The following GRM5 variants were observed in gnomAD, a reference collection of about 807,000 sequenced individuals.
GRM5 encodes glutamate metabotropic receptor 5.
A neutral mutation model predicts 83.1 loss-of-function variants in GRM5; 19 were observed. The observed-to-expected ratio is 0.23, with a 90% CI of 0.16 to 0.34. GRM5 has a LOEUF of 0.34. Ranked by LOEUF, GRM5 falls within the 10% of genes least tolerant of loss-of-function variation. The probability of loss-of-function intolerance (pLI) is 1.00; values close to 1 mark genes in which losing one functional copy is unlikely to be tolerated. For missense variants in GRM5, 1,160 were observed against 1,588.3 expected, an observed-to-expected ratio of 0.73 and a Z score of 4.58; for synonymous variants, 675 against 633.6, an observed-to-expected ratio of 1.07 and a Z score of -0.98.
At chr11:88,800,660 G>A (rs1421626394) in intron 3 of GRM5, among the ~76,000 whole-genome samples, 1 of 152,096 alleles carries the variant, frequency 6.6e-6, no homozygotes, top group Non-Finnish European at 1.5e-5. Context: ...CTAGCCAAGG[G>A]ACATTATGAT....
chr11:89,064,325 C>T (rs1464852235), intron 1 of GRM5, among the ~76,000 whole-genome samples: 1 of 152,078 alleles, frequency 6.6e-6, no homozygotes, highest in Non-Finnish European at 1.5e-5. Flanking sequence ...TAATAAAACA[C>T]TAAAAAAATA....
intron 3 of GRM5, among the ~76,000 whole-genome samples, chr11:88,836,002 G>A (rs114980891): frequency 2.3e-3 from 344 of 152,000 alleles, no homozygotes; most frequent in African/African-American, 7.8e-3. Flanking sequence ...AAGACTCTCC[G>A]ATCTCATAAC....
At chr11:88,863,004 T>C (rs184546383) in intron 2 of GRM5, among the ~76,000 whole-genome samples, 12 of 152,126 alleles carry the variant, frequency 7.9e-5, no homozygotes, top group Non-Finnish European at 1.6e-4. Flanking sequence ...AACAAAGATA[T>C]GAAAAAAAGC....
chr11:88,525,506 G>A, intron 8 of GRM5, 102 bp from the exon 9 acceptor site: 1 of 706,730 alleles, frequency 1.4e-6, no homozygotes, highest in Non-Finnish European at 2.5e-6. Context: ...GTCACTCTGT[G>A]CCAAAATGGG....
chr11:88,585,701 C>T (rs1392032573), intron 7 of GRM5, among the ~76,000 whole-genome samples: 2 of 152,150 alleles, frequency 1.3e-5, no homozygotes, highest in East Asian at 3.8e-4. Context: ...GTTATGGGCT[C>T]TCACACCATT....
At position 89,028,529 on chromosome 11, in the gene GRM5, G is replaced by A. The variant is rs148200353; in HGVS notation, c.661+18683C>T. Among the ~76,000 whole-genome samples the A allele has an allele frequency of 2.2e-4, 33 of 152,304 alleles. No individual in the cohort carries two copies. In the East Asian group the frequency reaches 5.4e-3, roughly 25 times the overall value. ...GAAGATCACTTGAGCCTGAGAGGTC[G>A]AGGCTGCTGTGAGCCATGATCATGC... On this transcript the variant is annotated intron_variant, in intron 2 of 9. Coordinates refer to ENST00000305447, the MANE Select transcript of GRM5 (RefSeq NM_001143831.3).
chr11:88,513,149 C>T (rs1941426653), intron 9 of GRM5, among the ~76,000 whole-genome samples: 3 of 152,070 alleles, frequency 2.0e-5, no homozygotes, highest in African/African-American at 7.2e-5. Context: ...GCTTTCCTGA[C>T]CCTGCTAGGC....
At position 88,991,071 on chromosome 11, in the gene GRM5, T is replaced by C. The variant is rs529118410; in HGVS notation, c.661+56141A>G. 9.7e-4 allele frequency among the ~76,000 whole-genome samples: 148 copies of C among 152,308 alleles called. 1 individual carries two copies. Among genetic ancestry groups the C allele is most frequent in the African/African-American group, 3.5e-3 (146 of 41,544 alleles). On this transcript the variant is annotated intron_variant, in intron 2 of 9. Transcript: ENST00000305447. Reference sequence around the variant, plus strand: ...TCAATTAGGAAAAGAGGAAGTCTGATTGTCCCTCTTTGCAGACGACATGAT... The same window carrying C: ...TCAATTAGGAAAAGAGGAAGTCTGACTGTCCCTCTTTGCAGACGACATGAT...
rs562837276 is a variant in GRM5 at position 88,647,910 on chromosome 11, T to C, written c.1147+5258A>G. ...CAAAAAACACATGAAAAAATGCTCA[T>C]CATCACTGGCCATCAGAGAAATGCA... is the stretch of plus-strand genomic sequence containing the variant. On this transcript the variant is annotated intron_variant, in intron 4 of 9. Coordinates refer to ENST00000305447, the MANE Select transcript of GRM5 (RefSeq NM_001143831.3). Among the ~76,000 whole-genome samples the C allele has an allele frequency of 2.8e-3, 421 of 151,534 alleles. 2 individuals carry two copies. The highest frequency in any genetic ancestry group is 6.8e-3 in the Middle Eastern group (2 of 292).
chr11:88,776,091 C>G (rs1942842034), intron 3 of GRM5, among the ~76,000 whole-genome samples: 1 of 152,140 alleles, frequency 6.6e-6, no homozygotes. Context: ...CTTTCTAGGT[C>G]TCTAAGGACT....
At chr11:88,709,708 A>G (rs964880591) in intron 3 of GRM5, among the ~76,000 whole-genome samples, 2 of 152,080 alleles carry the variant, frequency 1.3e-5, no homozygotes, top group African/African-American at 4.8e-5. Context: ...CTGTATTTCC[A>G]TCACCATTTC....
chr11:88,558,681 A>C (rs1182135090), intron 8 of GRM5, among the ~76,000 whole-genome samples: 1 of 151,544 alleles, frequency 6.6e-6, no homozygotes, highest in Non-Finnish European at 1.5e-5. Flanking sequence ...GCGCGCTTAT[A>C]GTCCCACAAC....
intron 2 of GRM5, among the ~76,000 whole-genome samples, chr11:88,972,941 T>A (rs1368965400): frequency 1.3e-5 from 2 of 152,116 alleles, no homozygotes; most frequent in Admixed American, 1.3e-4. Context: ...ATCTTAAATA[T>A]AACAAACATT....
intron 2 of GRM5, among the ~76,000 whole-genome samples, chr11:88,988,734 C>G (rs981314256): frequency 2.0e-5 from 3 of 150,466 alleles, no homozygotes; most frequent in South Asian, 2.2e-4. Flanking sequence ...GAATTTTCAA[C>G]CAAGAATTTC....
chr11:88,649,269 T>A (rs1399845906), intron 4 of GRM5, among the ~76,000 whole-genome samples: 1 of 30,314 alleles, frequency 3.3e-5, no homozygotes, highest in Non-Finnish European at 1.7e-4. Flanking sequence ...ACATATATAT[T>A]ATATATTATA....
rs951448266 is a variant in GRM5 at position 88,784,826 on chromosome 11, G to C, written c.911+65080C>G. Among the ~76,000 whole-genome samples, 24 of 152,044 alleles carry C rather than the reference G, an allele frequency of 1.6e-4. 1 individual carries two copies. The highest frequency in any genetic ancestry group is 6.8e-3 in the Middle Eastern group (2 of 294). ...AGCAGATACAGGGCTGCCCGTCTTTGGGAATGTTAATCTCTGGTCACATGT... is the reference window on the plus strand; with the variant it reads ...AGCAGATACAGGGCTGCCCGTCTTTCGGAATGTTAATCTCTGGTCACATGT... On this transcript the variant is annotated intron_variant, in intron 3 of 9. Coordinates refer to ENST00000305447, the MANE Select transcript of GRM5 (RefSeq NM_001143831.3).
chr11:88,878,883 C>CA (rs1188537110), intron 2 of GRM5, among the ~76,000 whole-genome samples: 1 of 151,998 alleles, frequency 6.6e-6, no homozygotes, highest in East Asian at 1.9e-4. Flanking sequence ...CTGGAAAAGA[C>CA]AAAACTATAG....
intron 3 of GRM5, among the ~76,000 whole-genome samples, chr11:88,777,977 G>A (rs970608622): frequency 2.6e-5 from 4 of 152,086 alleles, no homozygotes; most frequent in East Asian, 1.9e-4. Flanking sequence ...GGAGAACACC[G>A]CTCTCTTCAG....
intron 4 of GRM5, among the ~76,000 whole-genome samples, chr11:88,606,294 G>A (rs7121690): frequency 6.6e-6 from 1 of 152,112 alleles, no homozygotes; most frequent in Non-Finnish European, 1.5e-5. Context: ...AGGCTGAGGC[G>A]AGTGGATCAC....
Sources: gnomAD v4.1 joint callset for allele counts (sites outside exome capture counted in the v4.1 genomes callset) on GRCh38, gnomAD v4.1.1 for gene constraint, MANE v1.5 for transcripts, NCBI Gene and HGNC (gene_info 2026-07-23, HGNC 2026-07-21) for gene names.